The following CAPN9 variants were observed in gnomAD, a reference collection of about 807,000 sequenced individuals.
CAPN9 encodes the protein calpain 9.
Under a neutral mutation model 92.8 loss-of-function variants are expected in CAPN9, and 81 were observed. The observed-to-expected ratio is 0.87, with a 90% CI of 0.73 to 1.05. CAPN9 has a LOEUF of 1.05. Among genes scored for constraint, CAPN9 ranks in the 50% least tolerant of loss-of-function variants. CAPN9 has a pLI of 0.00. For missense variants in CAPN9, 848 were observed against 866.2 expected, an observed-to-expected ratio of 0.98 and a Z score of 0.26; for synonymous variants, 304 against 328.0, an observed-to-expected ratio of 0.93 and a Z score of 0.79.
chr1:230,752,972 C>G (rs1014156171), intron 1 of CAPN9, among the ~76,000 whole-genome samples: 8 of 152,174 alleles, frequency 5.3e-5, no homozygotes, highest in Admixed American at 5.2e-4. Flanking sequence ...CTGACATGGT[C>G]CTGGTTTGCA....
chr1:230,795,407 G>A (rs1051046026), intron 18 of CAPN9, 128 bp downstream of exon 18: 3 of 640,618 alleles, frequency 4.7e-6, no homozygotes, highest in African/African-American at 3.6e-5. Context: ...GGTCTGATGT[G>A]TGTGGACCCA....
intron 2 of CAPN9, 23 bp from the exon 3 acceptor site, chr1:230,759,489 G>T (rs913528886): frequency 1.3e-6 from 2 of 1,537,572 alleles, no homozygotes; most frequent in Non-Finnish European, 1.8e-6. Context: ...TGAAAATTGT[G>T]ATTTATGGCT....
At chr1:230,751,760 T>C (rs1664858109) in intron 1 of CAPN9, among the ~76,000 whole-genome samples, 2 of 151,006 alleles carry the variant, frequency 1.3e-5, no homozygotes, top group African/African-American at 4.9e-5. Flanking sequence ...GCCCCGATGA[T>C]GTACAAGGTA....
At chr1:230,795,115 C>T (rs751064430) in intron 17 of CAPN9, 48 bp from the exon 18 acceptor site, 2 of 1,229,554 alleles carry the variant, frequency 1.6e-6, no homozygotes, top group Non-Finnish European at 1.2e-6. Flanking sequence ...AGACTCACCT[C>T]GGGGCTCGGA....
rs35948414 is a variant in CAPN9 at position 230,757,719 on chromosome 1, C to CAAAAA, written c.284-1781_284-1777dup. 2.2e-3 allele frequency among the ~76,000 whole-genome samples: 225 copies of CAAAAA among 104,254 alleles called. 1 individual carries two copies. Among genetic ancestry groups the CAAAAA allele is most frequent in the African/African-American group, 7.1e-3 (193 of 27,142 alleles). 68.4% of individuals were successfully genotyped at this position (104,254 alleles called of 152,430 possible). On this transcript the variant is annotated intron_variant, in intron 2 of 19. Coordinates refer to ENST00000271971, the MANE Select transcript of CAPN9 (RefSeq NM_006615.3). The stretch of plus-strand genomic sequence containing the variant: ...CAACATAGCAAGACCACATCTCTAT[C>CAAAAA]AAAAAAAAAAAAAAAACTAGAACAC...
chr1:230,798,428 A>G (rs1001298242), intron 19 of CAPN9, among the ~76,000 whole-genome samples: 1 of 152,248 alleles, frequency 6.6e-6, no homozygotes, highest in Admixed American at 6.5e-5. Flanking sequence ...CTAAGTACCA[A>G]TAGTATCCCC....
intron 9 of CAPN9, 21 bp downstream of exon 9, chr1:230,779,154 T>C (rs1336973568): frequency 7.5e-6 from 12 of 1,610,054 alleles, no homozygotes; most frequent in Middle Eastern, 4.5e-4. Context: ...TGCCTGTCAC[T>C]CTCTCTGCCA....
intron 4 of CAPN9, among the ~76,000 whole-genome samples, chr1:230,764,743 G>A (rs1166448179): frequency 6.6e-6 from 1 of 152,222 alleles, no homozygotes; most frequent in African/African-American, 2.4e-5. Context: ...GTGAACGGAT[G>A]GTGGATGGCG....
intron 3 of CAPN9, among the ~76,000 whole-genome samples, chr1:230,760,629 G>A (rs548935930): frequency 2.0e-5 from 3 of 152,274 alleles, no homozygotes; most frequent in East Asian, 1.9e-4. Context: ...CTCCTGCGCC[G>A]GCTGGGGACA....
At chr1:230,756,182 G>A (rs990200962) in intron 2 of CAPN9, among the ~76,000 whole-genome samples, 6 of 152,092 alleles carry the variant, frequency 3.9e-5, no homozygotes, top group African/African-American at 1.4e-4. Context: ...TGTCACTGTG[G>A]TCTATTGGTT....
At position 230,796,939 on chromosome 1, in the gene CAPN9, C is replaced by T. The variant is rs116166954; in HGVS notation, c.1988-1223C>T. Among the ~76,000 whole-genome samples the T allele has an allele frequency of 1.6e-3, 247 of 152,268 alleles. 1 individual carries two copies. The highest frequency in any genetic ancestry group is 0.01 in the Middle Eastern group (3 of 294). ...TTGCCTGGAGAACTTTTAGAATTAC[C>T]AAGGATGGAGCTTTGCTGCAGTATT... is the stretch of plus-strand genomic sequence containing the variant. On this transcript the variant is annotated intron_variant, in intron 18 of 19. Coordinates refer to ENST00000271971, the MANE Select transcript of CAPN9 (RefSeq NM_006615.3).
intron 8 of CAPN9, among the ~76,000 whole-genome samples, chr1:230,778,510 T>G (rs755354404): frequency 6.6e-6 from 1 of 152,208 alleles, no homozygotes; most frequent in Non-Finnish European, 1.5e-5. Context: ...ATCTTATTCC[T>G]TACAGACACC....
chr1:230,791,826 T>C, intron 14 of CAPN9, 38 bp from the exon 15 acceptor site: 1 of 1,556,170 alleles, frequency 6.4e-7, no homozygotes, highest in Non-Finnish European at 8.9e-7. Flanking sequence ...GTTTATCTTA[T>C]CGGGTCAACT....
At chr1:230,756,217 A>G (rs1042229766) in intron 2 of CAPN9, among the ~76,000 whole-genome samples, 1 of 152,180 alleles carries the variant, frequency 6.6e-6, no homozygotes, top group African/African-American at 2.4e-5. Flanking sequence ...TGGAACCTCC[A>G]TGCTGAGCAA....
At chr1:230,777,765 C>T (rs1666912384) in intron 8 of CAPN9, among the ~76,000 whole-genome samples, 1 of 152,034 alleles carries the variant, frequency 6.6e-6, no homozygotes, top group East Asian at 1.9e-4. Flanking sequence ...GAGCCCTTGA[C>T]GTGCTGGATT....
intron 13 of CAPN9, 69 bp downstream of exon 13, chr1:230,787,671 G>A (rs956441817): frequency 7.9e-6 from 11 of 1,390,510 alleles, no homozygotes; most frequent in African/African-American, 1.4e-5. Flanking sequence ...GCAAAGGGTT[G>A]CAGTCGTGGG....
Position 230,752,635 on chromosome 1 carries a change from G to A in CAPN9, c.214-2702G>A, listed in dbSNP as rs1664922316. On this transcript the variant is annotated intron_variant, in intron 1 of 19. Coordinates refer to ENST00000271971, the MANE Select transcript of CAPN9 (RefSeq NM_006615.3). ...GAGGATGGGAAGGAGGCGGGCATCC[G>A]GGAACAGCCCTGCCCCAGGAGCTAG... is the stretch of plus-strand genomic sequence containing the variant. 3 of 981,632 alleles carry A rather than the reference G, an allele frequency of 3.1e-6. No homozygotes were observed. In the East Asian group the frequency reaches 3.4e-4, roughly 112 times the overall value. The allele number at this position is 981,632 out of a possible 1,614,324, so 60.8% of individuals were successfully genotyped here.
chr1:230,789,860 C>T (rs769617659), intron 13 of CAPN9, among the ~76,000 whole-genome samples: 1 of 152,162 alleles, frequency 6.6e-6, no homozygotes, highest in African/African-American at 2.4e-5. Flanking sequence ...AAACCACTGC[C>T]TTGCCCTGCC....
At chr1:230,768,452 A>G (rs1399820884) in intron 5 of CAPN9, among the ~76,000 whole-genome samples, 1 of 151,984 alleles carries the variant, frequency 6.6e-6, no homozygotes. Flanking sequence ...ATCTGCTCGT[A>G]CAAACAGGCA....
Sources: allele counts gnomAD v4.1 joint callset (sites outside exome capture counted in the v4.1 genomes callset), GRCh38; gene constraint gnomAD v4.1.1; transcripts MANE v1.5; gene names NCBI Gene and HGNC (gene_info 2026-07-23, HGNC 2026-07-21).